ANKRD44: variants seen among roughly 807,000 people sequenced by gnomAD.
ANKRD44 encodes the protein serine/threonine-protein phosphatase 6 regulatory ankyrin repeat subunit B.
Under a neutral mutation model 116.0 loss-of-function variants are expected in ANKRD44, and 35 were observed. The ratio of observed to expected loss-of-function variants is 0.30; its 90% CI spans 0.23 to 0.40. The LOEUF is 0.40. ANKRD44 is among the 10% of genes least tolerant of loss of function. The pLI is 1.00. For synonymous variants in ANKRD44, 435 were observed against 461.8 expected (o/e 0.94, Z 0.74); for missense variants, 1,014 against 1,242.6 (o/e 0.82, Z 2.77).
chr2:197,075,565 T>C (rs1313745372), intron 16 of ANKRD44, among the ~76,000 whole-genome samples: 1 of 152,216 alleles, frequency 6.6e-6, no homozygotes, highest in South Asian at 2.1e-4. Context: ...CTGAGAATAC[T>C]GGCCTAAATA....
intron 1 of ANKRD44, among the ~76,000 whole-genome samples, chr2:197,287,451 G>A (rs879644549): frequency 2.0e-5 from 3 of 152,130 alleles, no homozygotes; most frequent in Non-Finnish European, 4.4e-5. Flanking sequence ...CAGAGAGGAC[G>A]TGTGTTTCTG....
intron 1 of ANKRD44, among the ~76,000 whole-genome samples, chr2:197,187,311 A>G (rs770713109): frequency 6.6e-6 from 1 of 152,210 alleles, no homozygotes; most frequent in Non-Finnish European, 1.5e-5. Flanking sequence ...ATACAATCTG[A>G]AAGCCAGGCC....
intron 2 of ANKRD44, among the ~76,000 whole-genome samples, chr2:197,174,616 G>T (rs2080320902): frequency 6.6e-6 from 1 of 152,182 alleles, no homozygotes; most frequent in Admixed American, 6.6e-5. Context: ...TTCCCCCTGG[G>T]GAGAGAGGCG....
intron 4 of ANKRD44, among the ~76,000 whole-genome samples, chr2:197,127,440 C>G (rs1559085692): frequency 6.6e-6 from 1 of 152,096 alleles, no homozygotes; most frequent in Non-Finnish European, 1.5e-5. Flanking sequence ...CTTGGAAGCT[C>G]TTTAACTTGG....
intron 27 of ANKRD44, chr2:196,990,921 G>T (rs1448402947): frequency 1.6e-6 from 2 of 1,232,280 alleles, no homozygotes; most frequent in Non-Finnish European, 2.0e-6. Context: ...CAGGGCCGGG[G>T]TATGACCTGG....
intron 16 of ANKRD44, among the ~76,000 whole-genome samples, chr2:197,054,386 GAAAAA>G (rs35682810): frequency 1.3e-5 from 2 of 151,218 alleles, no homozygotes; most frequent in African/African-American, 4.9e-5. Context: ...CAACTTCCAA[GAAAAA>G]AAAAATCATC....
chr2:197,218,422 C>T (rs2081500441), intron 1 of ANKRD44, among the ~76,000 whole-genome samples: 2 of 152,174 alleles, frequency 1.3e-5, no homozygotes, highest in Admixed American at 6.5e-5. Flanking sequence ...CACTCCCCTT[C>T]ACCCAGTGAA....
At chr2:197,197,603 G>A (rs2080982315) in intron 1 of ANKRD44, among the ~76,000 whole-genome samples, 1 of 152,008 alleles carries the variant, frequency 6.6e-6, no homozygotes, top group Admixed American at 6.6e-5. Flanking sequence ...TTGAATCCAG[G>A]AGTTCCAGAC....
intron 1 of ANKRD44, among the ~76,000 whole-genome samples, chr2:197,226,065 A>G (rs1430259881): frequency 6.6e-6 from 1 of 152,150 alleles, no homozygotes; most frequent in Non-Finnish European, 1.5e-5. Context: ...AGCTTCAATA[A>G]CTCTTTAATA....
chr2:196,969,405 T>TG (rs1176403918), intron 21 of ANKRD44, among the ~76,000 whole-genome samples: 3 of 152,180 alleles, frequency 2.0e-5, no homozygotes, highest in Non-Finnish European at 4.4e-5. Flanking sequence ...TTTTTCTTCT[T>TG]CATTTTCATT....
At chr2:197,098,591 T>G (rs1372638981) in intron 10 of ANKRD44, among the ~76,000 whole-genome samples, 1 of 152,252 alleles carries the variant, frequency 6.6e-6, no homozygotes, top group Non-Finnish European at 1.5e-5. Flanking sequence ...CTACTACCTA[T>G]TATTAAATAA....
chr2:197,299,409 T>C (rs1300669115), intron 1 of ANKRD44: 1 of 152,074 alleles, frequency 6.6e-6, no homozygotes, highest in Admixed American at 6.6e-5. Context: ...CAATTCACAA[T>C]TGCAAAAATA....
intron 1 of ANKRD44, among the ~76,000 whole-genome samples, chr2:197,254,726 A>ATG (rs2082405560): frequency 6.7e-6 from 1 of 150,312 alleles, no homozygotes; most frequent in South Asian, 2.1e-4. Flanking sequence ...CTGTGTGTGT[A>ATG]TATGTGTGTA....
At chr2:197,101,261 A>G (rs1329842132) in intron 9 of ANKRD44, among the ~76,000 whole-genome samples, 2 of 151,362 alleles carry the variant, frequency 1.3e-5, no homozygotes, top group Non-Finnish European at 2.9e-5. Flanking sequence ...CATGTCGTTG[A>G]TATTATTGGA....
intron 16 of ANKRD44, among the ~76,000 whole-genome samples, chr2:197,033,183 A>C (rs16860887): frequency 0.21 from 31,774 of 151,966 alleles, 3,373 homozygotes; most frequent in African/African-American, 0.22. Context: ...TAAGATATAA[A>C]CCTCAGGAAC....
chr2:196,987,021 G>A lies in ANKRD44; in HGVS notation c.*2570C>T. The stretch of plus-strand genomic sequence containing the variant: ...TCATCGTGCTTTACAAAGATATATT[G>A]CACATGCTAGAGCATAAAATATGTA... On this transcript the variant is annotated 3_prime_UTR_variant, in exon 28 of 28. Coordinates refer to ENST00000282272, the MANE Select transcript of ANKRD44 (RefSeq NM_001195144.2). 1 of 985,130 alleles carries A rather than the reference G, an allele frequency of 1.0e-6. No homozygotes were observed. The highest frequency in any genetic ancestry group is 1.2e-6 in the Non-Finnish European group (1 of 829,718). The allele number at this position is 985,130 out of a possible 1,614,324, so 61.0% of individuals were successfully genotyped here. A position where few individuals can be genotyped will look rare whatever the true frequency, so the allele number is the denominator to read the frequency against.
intron 1 of ANKRD44, among the ~76,000 whole-genome samples, chr2:197,235,064 A>G (rs1043808347): frequency 6.6e-6 from 1 of 152,176 alleles, no homozygotes; most frequent in Non-Finnish European, 1.5e-5. Flanking sequence ...CAGACTTTCC[A>G]TGTTAAACTA....
intron 2 of ANKRD44, among the ~76,000 whole-genome samples, chr2:197,166,668 A>ATGGGTAGGAAC (rs1553520490): frequency 1.1e-4 from 2 of 17,832 alleles, no homozygotes; most frequent in Admixed American, 2.2e-3. Flanking sequence ...TATGCTCAGA[A>ATGGGTAGGAAC]TGGGATATCC....
At chr2:197,168,928 C>T (rs1043250553) in intron 2 of ANKRD44, among the ~76,000 whole-genome samples, 5 of 152,206 alleles carry the variant, frequency 3.3e-5, no homozygotes, top group Admixed American at 2.0e-4. Flanking sequence ...GCTGCTCTCA[C>T]AGCTTCTACT....
Sources: gnomAD v4.1 joint callset for allele counts (sites outside exome capture counted in the v4.1 genomes callset) on GRCh38, gnomAD v4.1.1 for gene constraint, MANE v1.5 for transcripts, NCBI Gene and HGNC (gene_info 2026-07-23, HGNC 2026-07-21) for gene names.